Variants in CELF2 observed in about 807,000 individuals in gnomAD.
CELF2 encodes the protein CUGBP Elav-like family member 2.
CELF2 carries 8 observed loss-of-function variants against 62.6 expected under a neutral mutation model. That is an observed-to-expected ratio of 0.13 (90% CI 0.07 to 0.23). The LOEUF (loss-of-function observed/expected upper bound fraction) is 0.23, where lower values mean the gene tolerates loss of function less well. Among genes scored for constraint, CELF2 ranks in the 10% least tolerant of loss-of-function variants. The pLI is 1.00. For missense variants in CELF2, 333 were observed against 671.0 expected (o/e 0.50, Z 5.56); for synonymous variants, 258 against 250.0 (o/e 1.03, Z -0.30).
chr10:11,277,083 TCA>T (rs2086414163), intron 8 of CELF2, among the ~76,000 whole-genome samples: 1 of 152,202 alleles, frequency 6.6e-6, no homozygotes, highest in Admixed American at 6.5e-5. Flanking sequence ...TTTGGAATAT[TCA>T]CAGTCTTCAA....
At position 11,130,744 on chromosome 10, in the gene CELF2, G is replaced by A. The variant is rs77556169; in HGVS notation, c.75-34742G>A. 8.0e-3 allele frequency among the ~76,000 whole-genome samples: 1,220 copies of A among 152,296 alleles called. 17 individuals carry two copies. The highest frequency in any genetic ancestry group is 0.028 in the African/African-American group (1,162 of 41,556). ...TATATGCTATGCCAATAATTGTTGG[G>A]TAAGTGAAGATTATTGAAACATAGT... On this transcript the variant is annotated intron_variant, in intron 1 of 12. Transcript: ENST00000633077.
At chr10:11,019,859 A>G (rs532269612) in intron 1 of CELF2, among the ~76,000 whole-genome samples, 51 of 152,268 alleles carry the variant, frequency 3.3e-4, no homozygotes, top group Middle Eastern at 3.4e-3. Context: ...CTAGTATGAA[A>G]GTTTTATGCG....
chr10:10,871,939 T>A (rs2060777909), intron 1 of CELF2, among the ~76,000 whole-genome samples: 1 of 152,232 alleles, frequency 6.6e-6, no homozygotes, highest in Admixed American at 6.5e-5. Flanking sequence ...GTACATTGAT[T>A]TTCACATATT....
chr10:10,686,615 G>A, the CELF2 span, among the ~76,000 whole-genome samples: 2 of 152,114 alleles, frequency 1.3e-5, no homozygotes, highest in East Asian at 1.9e-4. Flanking sequence ...ATGAGATCTT[G>A]TGGTTTTATA....
chr10:10,951,002 T>C (rs1229646259), intron 2 of CELF2, among the ~76,000 whole-genome samples: 1 of 152,162 alleles, frequency 6.6e-6, no homozygotes, highest in Non-Finnish European at 1.5e-5. Flanking sequence ...CTGTGGTAAC[T>C]CATGAAAATA....
chr10:11,179,562 T>C (rs916688509), intron 2 of CELF2, among the ~76,000 whole-genome samples: 1 of 152,212 alleles, frequency 6.6e-6, no homozygotes, highest in Non-Finnish European at 1.5e-5. Context: ...TACTATTCTG[T>C]GGAGCAGAGA....
the CELF2 span, among the ~76,000 whole-genome samples, chr10:10,546,104 T>C: frequency 6.6e-6 from 1 of 152,174 alleles, no homozygotes; most frequent in Admixed American, 6.5e-5. Context: ...AAATTATTCC[T>C]ATCTAAAACA....
At chr10:11,042,345 G>GAGTACA (rs746068313) in intron 1 of CELF2, among the ~76,000 whole-genome samples, 5 of 152,220 alleles carry the variant, frequency 3.3e-5, no homozygotes, top group Admixed American at 2.0e-4. Flanking sequence ...GTGGAAATGA[G>GAGTACA]AGTACAATTG....
chr10:10,611,472 C>T, the CELF2 span, among the ~76,000 whole-genome samples: 11 of 152,132 alleles, frequency 7.2e-5, no homozygotes, highest in Non-Finnish European at 1.2e-4. Context: ...ATTAGTAATG[C>T]CTTTTAGAAC....
At chr10:10,911,647 G>A (rs947158137) in intron 1 of CELF2, among the ~76,000 whole-genome samples, 3 of 152,222 alleles carry the variant, frequency 2.0e-5, no homozygotes, top group Non-Finnish European at 2.9e-5. Flanking sequence ...TGGGCCTGGG[G>A]CCTGTCCGGA....
chr10:11,153,474 C>T (rs2063717486), intron 1 of CELF2, among the ~76,000 whole-genome samples: 2 of 151,946 alleles, frequency 1.3e-5, no homozygotes, highest in South Asian at 2.1e-4. Context: ...GCATGCAAAG[C>T]CCAGTTACAT....
At chr10:10,860,659 G>C (rs1327959796) in intron 1 of CELF2, among the ~76,000 whole-genome samples, 1 of 152,206 alleles carries the variant, frequency 6.6e-6, no homozygotes, top group African/African-American at 2.4e-5. Context: ...AACAATTTAT[G>C]AATTGAGCAG....
At chr10:11,060,071 G>A (rs2066359299) in intron 1 of CELF2, among the ~76,000 whole-genome samples, 1 of 152,220 alleles carries the variant, frequency 6.6e-6, no homozygotes. Flanking sequence ...TCTAGTAAGA[G>A]AGTTGGTGCT....
chr10:10,529,844 C>T, the CELF2 span, among the ~76,000 whole-genome samples: 1 of 152,078 alleles, frequency 6.6e-6, no homozygotes, highest in African/African-American at 2.4e-5. Flanking sequence ...CCCCAGAATC[C>T]ACATCAGTGG....
chr10:11,218,942 A>G (rs562264726), intron 3 of CELF2, among the ~76,000 whole-genome samples: 1 of 152,326 alleles, frequency 6.6e-6, no homozygotes, highest in East Asian at 1.9e-4. Flanking sequence ...ATAATAGATG[A>G]AAATCATTTT....
At chr10:10,551,654 C>T in the CELF2 span, among the ~76,000 whole-genome samples, 13 of 152,174 alleles carry the variant, frequency 8.5e-5, no homozygotes, top group Admixed American at 4.6e-4. Context: ...CCCCACTCTG[C>T]GCATGCCCAC....
chr10:10,594,223 T>G, the CELF2 span, among the ~76,000 whole-genome samples: 1 of 152,144 alleles, frequency 6.6e-6, no homozygotes, highest in African/African-American at 2.4e-5. Context: ...ACAAGAGAAA[T>G]CGCCAGATTT....
chr10:10,991,440 C>A (rs939580555), intron 2 of CELF2, among the ~76,000 whole-genome samples: 1 of 152,072 alleles, frequency 6.6e-6, no homozygotes, highest in Admixed American at 6.6e-5. Flanking sequence ...GCTGCAGAGA[C>A]CTCTGGTAAC....
rs952956903 is a variant in CELF2 at position 11,252,019 on chromosome 10, A to G, written c.403+2818A>G. ...TTGCGGATTGACCTTCATTTTCTGA[A>G]TTTTCAGTAAGAAAAGTCCAAAAAT... is the stretch of plus-strand genomic sequence containing the variant. On this transcript the variant is annotated intron_variant, in intron 4 of 12. Coordinates refer to ENST00000633077, the MANE Select transcript of CELF2 (RefSeq NM_001326342.2). Among the ~76,000 whole-genome samples the G allele has an allele frequency of 2.2e-4, 34 of 152,166 alleles. 1 individual carries two copies. The highest frequency in any genetic ancestry group is 4.4e-5 in the Non-Finnish European group (3 of 68,016).
Sources: gnomAD v4.1 joint callset for allele counts (sites outside exome capture counted in the v4.1 genomes callset) on GRCh38, gnomAD v4.1.1 for gene constraint, MANE v1.5 for transcripts, NCBI Gene and HGNC (gene_info 2026-07-23, HGNC 2026-07-21) for gene names.